Variants in PGAP4 observed in about 807,000 individuals in gnomAD.
PGAP4 encodes post-GPI attachment to proteins GalNAc transferase 4.
In PGAP4, 12 loss-of-function variants were observed where a neutral mutation model predicts 28.2. The ratio of observed to expected loss-of-function variants is 0.42; its 90% CI spans 0.27 to 0.69. The LOEUF is 0.69. Among genes scored for constraint, PGAP4 ranks in the 30% least tolerant of loss-of-function variants. PGAP4 has a pLI of 0.22. For synonymous variants in PGAP4, 205 were observed against 211.8 expected, an observed-to-expected ratio of 0.97 and a Z score of 0.28; for missense variants, 425 against 513.5, an observed-to-expected ratio of 0.83 and a Z score of 1.67.
intron 2 of PGAP4, among the ~76,000 whole-genome samples, chr9:101,509,026 A>T (rs1451559453): frequency 6.6e-6 from 1 of 152,202 alleles, no homozygotes; most frequent in Non-Finnish European, 1.5e-5. Flanking sequence ...TGTCTTAAAC[A>T]TCCTTTTAAG....
At chr9:101,481,384 C>T (rs147114334) in intron 1 of PGAP4, 1 of 152,484 alleles carries the variant, frequency 6.6e-6, no homozygotes, top group East Asian at 1.9e-4. Flanking sequence ...CCCATGATGT[C>T]ACAGGCTGAG....
upstream of PGAP4, among the ~76,000 whole-genome samples, chr9:101,490,383 T>A (rs965736675): frequency 6.6e-6 from 1 of 151,960 alleles, no homozygotes; most frequent in African/African-American, 2.4e-5. Context: ...AGAGCTGGGG[T>A]TTCACCATTT....
At chr9:101,533,268 G>A (rs140263739) in exon 1 of PGAP4, 9 of 152,220 alleles carry the variant, frequency 5.9e-5, no homozygotes, top group African/African-American at 1.7e-4. Context: ...CGGGGTTTGG[G>A]GGGAGGAGAT....
In PGAP4 at chr9:101,476,387, G is replaced by C; in HGVS notation, c.706C>G (p.His236Asp). 6.2e-7 allele frequency: 1 copy of C among 1,614,128 alleles called. No homozygotes were observed. Among genetic ancestry groups the C allele is most frequent in the Non-Finnish European group, 8.5e-7 (1 of 1,180,034 alleles). The change falls in exon 2 of 2, where the codon CAT becomes GAT. Residue 236 changes from histidine (H) to aspartate (D), a missense_variant. Transcript: ENST00000374848. This position sits in a 1 kb window ranked among gnomAD's most constrained non-coding sequence, Gnocchi z 7.0. ...TTGAGATAAAGGGCATCTCTGAGAT[G>C]TGGCTCAGAGAAGCGAGCCCGCAGA... ...HLLRARFSEP[H>D]LRDALYLKLY...
intron 2 of PGAP4, among the ~76,000 whole-genome samples, chr9:101,521,226 G>C (rs1043420860): frequency 2.0e-5 from 3 of 152,130 alleles, no homozygotes; most frequent in East Asian, 1.9e-4. Context: ...GGTGATGCTG[G>C]CTTCATAAAA....
At chr9:101,513,135 A>G (rs1362426926) in intron 2 of PGAP4, among the ~76,000 whole-genome samples, 1 of 152,104 alleles carries the variant, frequency 6.6e-6, no homozygotes, top group African/African-American at 2.4e-5. Context: ...TACCACAAAC[A>G]TTTTATCAAA....
Position 101,475,558 on chromosome 9 carries a change from C to T in PGAP4, c.*323G>A, listed in dbSNP as rs1826273080. Reference sequence around the variant, plus strand: ...CTGTGCACAAAATTTTTGGCAGTCACAAGCTCTAACACAAAGCAGAGCTTA... The same window carrying T: ...CTGTGCACAAAATTTTTGGCAGTCATAAGCTCTAACACAAAGCAGAGCTTA... On this transcript the variant is annotated 3_prime_UTR_variant, in exon 2 of 2. Coordinates refer to ENST00000374848, the MANE Select transcript of PGAP4 (RefSeq NM_032342.3). 3.4e-6 allele frequency: 1 copy of T among 291,514 alleles called. No homozygotes were observed. The highest frequency in any genetic ancestry group is 6.6e-5 in the East Asian group (1 of 15,080). The allele number at this position is 291,514 out of a possible 1,614,324, so 18.1% of individuals were successfully genotyped here.
chr9:101,499,609 G>A (rs772927994), intron 2 of PGAP4, among the ~76,000 whole-genome samples: 6 of 152,074 alleles, frequency 3.9e-5, no homozygotes, highest in Non-Finnish European at 7.4e-5. Flanking sequence ...GGTTGGACAG[G>A]CAGTTGCTGG....
chr9:101,489,772 G>T (rs567875425), upstream of PGAP4, among the ~76,000 whole-genome samples: 1 of 152,266 alleles, frequency 6.6e-6, no homozygotes, highest in African/African-American at 2.4e-5. Flanking sequence ...TGACCAGGAG[G>T]CATAAACAGA....
At chr9:101,522,658 T>C (rs374176915) in intron 2 of PGAP4, among the ~76,000 whole-genome samples, 2 of 152,326 alleles carry the variant, frequency 1.3e-5, no homozygotes, top group East Asian at 3.9e-4. Context: ...GTTGGTGAGT[T>C]CTTATCCATT....
At chr9:101,518,759 T>C (rs150570840) in intron 2 of PGAP4, among the ~76,000 whole-genome samples, 1,897 of 152,372 alleles carry the variant, frequency 0.012, 20 homozygotes, top group Middle Eastern at 0.027. Flanking sequence ...CAATTGTGAA[T>C]TGTGCTGCTA....
intron 2 of PGAP4, among the ~76,000 whole-genome samples, chr9:101,517,277 T>G (rs888339090): frequency 6.6e-5 from 10 of 152,130 alleles, no homozygotes; most frequent in African/African-American, 2.4e-4. Context: ...ACAAAGAAGA[T>G]GTTGTGTTCT....
chr9:101,492,196 G>C (rs2118574551), intron 2 of PGAP4, among the ~76,000 whole-genome samples: 1 of 151,914 alleles, frequency 6.6e-6, no homozygotes, highest in East Asian at 1.9e-4. Flanking sequence ...GTTTCTGGCA[G>C]TAATTTTTTT....
chr9:101,486,312 C>T lies in PGAP4; in HGVS notation c.-78+637G>A, dbSNP rs1298178510. 6.6e-6 allele frequency among the ~76,000 whole-genome samples: 1 copy of T among 152,222 alleles called. No homozygotes were observed. The highest frequency in any genetic ancestry group is 1.9e-4 in the East Asian group (1 of 5,164). ...GTTTCCCACCCGTAGGCCGAGCTGACCGTCTCCATCGCTGCGCTCCTTCCC... is the reference window on the plus strand; with the variant it reads ...GTTTCCCACCCGTAGGCCGAGCTGATCGTCTCCATCGCTGCGCTCCTTCCC... On this transcript the variant is annotated intron_variant, in intron 1 of 1. Transcript: ENST00000374848. The surrounding 1 kb of genome is among the most constrained non-coding windows in gnomAD (Gnocchi z 4.7).
At chr9:101,479,978 T>C (rs914498515) in intron 1 of PGAP4, 1 of 152,040 alleles carries the variant, frequency 6.6e-6, no homozygotes. Flanking sequence ...TCATCATTCA[T>C]TGGCCAAAAC....
intron 2 of PGAP4, among the ~76,000 whole-genome samples, chr9:101,494,896 T>G (rs1226131274): frequency 6.6e-6 from 1 of 150,980 alleles, no homozygotes; most frequent in Admixed American, 6.6e-5. Context: ...TTATAAATTT[T>G]ATATATTTTT....
chr9:101,481,754 A>C (rs1478962699), intron 1 of PGAP4, among the ~76,000 whole-genome samples: 1 of 152,242 alleles, frequency 6.6e-6, no homozygotes, highest in Admixed American at 6.5e-5. Flanking sequence ...TCAGGGGATG[A>C]GTGCTCAAGA....
At chr9:101,498,936 G>C (rs116945423) in intron 2 of PGAP4, among the ~76,000 whole-genome samples, 1 of 151,838 alleles carries the variant, frequency 6.6e-6, no homozygotes, top group Non-Finnish European at 1.5e-5. Context: ...GTAGTCAAAC[G>C]TAATCAAAAG....
At chr9:101,528,877 T>A (rs1827059454) in intron 2 of PGAP4, among the ~76,000 whole-genome samples, 1 of 151,842 alleles carries the variant, frequency 6.6e-6, no homozygotes, top group Non-Finnish European at 1.5e-5. Context: ...GTTGTACAGA[T>A]TATTTGATCA....
Sources: gnomAD v4.1 joint callset for allele counts (sites outside exome capture counted in the v4.1 genomes callset) on GRCh38, gnomAD v4.1.1 for gene constraint, Gnocchi (gnomAD v3.1) non-coding constraint, MANE v1.5 for transcripts, NCBI Gene and HGNC (gene_info 2026-07-23, HGNC 2026-07-21) for gene names.